PKHD1L1: variants seen among roughly 807,000 people sequenced by gnomAD.
PKHD1L1 encodes fibrocystin-L.
In PKHD1L1, 434 loss-of-function variants were observed where a neutral mutation model predicts 462.9. The observed-to-expected ratio is 0.94, with a 90% CI of 0.87 to 1.02. PKHD1L1 has a LOEUF of 1.02. Among genes scored for constraint, PKHD1L1 ranks in the 50% least tolerant of loss-of-function variants. PKHD1L1 has a pLI of 0.00. For synonymous variants in PKHD1L1, 1,781 were observed against 1,750.0 expected, an observed-to-expected ratio of 1.02 and a Z score of -0.44; for missense variants, 5,202 against 5,096.1, an observed-to-expected ratio of 1.02 and a Z score of -0.63.
At chr8:109,444,581 G>T (rs1465898057) in intron 37 of PKHD1L1, 80 bp from the exon 38 acceptor site, 17 of 1,293,646 alleles carry the variant, frequency 1.3e-5, no homozygotes, top group South Asian at 1.6e-5. Flanking sequence ...TTTAAAATTT[G>T]TAGTTGTTGC....
At chr8:109,504,515 T>G in intron 68 of PKHD1L1, 23 bp downstream of exon 68, 1 of 1,366,384 alleles carries the variant, frequency 7.3e-7, no homozygotes, top group Non-Finnish European at 9.8e-7. Flanking sequence ...AAAATTGTGG[T>G]TTTTCTATCT....
intron 4 of PKHD1L1, among the ~76,000 whole-genome samples, chr8:109,383,173 CAATA>C (rs1812232781): frequency 1.2e-5 from 1 of 83,346 alleles, no homozygotes; most frequent in African/African-American, 5.1e-5. Context: ...ATAATATATA[CAATA>C]ATATATATAA....
chr8:109,493,591 T>C (rs1312477974), intron 62 of PKHD1L1, 70 bp from the exon 63 acceptor site: 1 of 975,552 alleles, frequency 1.0e-6, no homozygotes, highest in Non-Finnish European at 1.5e-6. Flanking sequence ...TATTGTCATA[T>C]ACTTACTCTC....
chr8:109,464,867 T>A lies in PKHD1L1; in HGVS notation c.8035T>A (p.Tyr2679Asn). 6.2e-7 allele frequency: 1 copy of A among 1,613,800 alleles called. No homozygotes were observed. Among genetic ancestry groups the A allele is most frequent in the Non-Finnish European group, 8.5e-7 (1 of 1,179,798 alleles). ...QFHNFVMVNN[Y>N]EAGIETKRIL... ...CCATAACTTTGTGATGGTGAATAAC[T>A]ATGAGGCTGGAATTGAGACTAAGAG... Residue 2679 changes from tyrosine (Y) to asparagine (N), a missense_variant, in exon 49 of 78, where the codon TAT becomes AAT. By Grantham distance (143) the Tyr-to-Asn change is moderately radical. Transcript: ENST00000378402.
rs565902354 is a variant in PKHD1L1, at chr8:109,492,329, C to T, written c.10236+335C>T. On this transcript the variant is annotated intron_variant, in intron 62 of 77. Coordinates refer to ENST00000378402, the MANE Select transcript of PKHD1L1 (RefSeq NM_177531.6). ...GGAATCTCTAAAATTATTTTCTCATCTAAAATTGTCATGATTCTACAGGCA... is the reference window on the plus strand; with the variant it reads ...GGAATCTCTAAAATTATTTTCTCATTTAAAATTGTCATGATTCTACAGGCA... Among the ~76,000 whole-genome samples the T allele has an allele frequency of 4.3e-4, 65 of 151,816 alleles. 1 individual carries two copies. The South Asian group carries it at 0.013, about 32-fold the overall frequency.
intron 54 of PKHD1L1, 142 bp from the exon 55 acceptor site, chr8:109,479,849 T>C: frequency 1.1e-6 from 1 of 937,776 alleles, no homozygotes; most frequent in Non-Finnish European, 1.5e-6. Context: ...GCAGATTTTC[T>C]GGGAGAGATA....
rs1563724837 is a variant in PKHD1L1 at position 109,384,056 on chromosome 8, T to C, written c.418-14T>C. 5 of 1,569,504 alleles carry C rather than the reference T, an allele frequency of 3.2e-6. 1 individual carries two copies. Among genetic ancestry groups the C allele is most frequent in the Non-Finnish European group, 4.4e-6 (5 of 1,140,720 alleles). On this transcript the variant is annotated splice_polypyrimidine_tract_variant and intron_variant, in intron 4 of 77. Transcript: ENST00000378402. ...CAGAGATAAGTTTTCATATTGACAT[T>C]ATTCTTTTTACAGGCAAAAAGTTTT...
At chr8:109,381,629 G>T in intron 3 of PKHD1L1, 115 bp downstream of exon 3, 1 of 800,572 alleles carries the variant, frequency 1.2e-6, no homozygotes, top group Non-Finnish European at 1.8e-6. Flanking sequence ...ATATTTTTCT[G>T]ATTATAGGTT....
Position 109,443,133 on chromosome 8 carries a change from T to A in PKHD1L1, c.4564+17T>A, listed in dbSNP as rs755335220. On this transcript the variant is annotated intron_variant, in intron 36 of 77. Coordinates refer to ENST00000378402, the MANE Select transcript of PKHD1L1 (RefSeq NM_177531.6). ...ATGCTTATGGTAAGATGGTTAAAGA[T>A]GGAAACTCTGTTACACAGGTGACCC... 11 of 1,611,080 alleles carry A rather than the reference T, an allele frequency of 6.8e-6. No homozygotes were observed. The highest frequency in any genetic ancestry group is 9.3e-6 in the Non-Finnish European group (11 of 1,177,948).
intron 3 of PKHD1L1, 127 bp downstream of exon 3, chr8:109,381,641 G>T: frequency 1.4e-6 from 1 of 714,382 alleles, no homozygotes; most frequent in Non-Finnish European, 2.1e-6. Context: ...TTATAGGTTA[G>T]TATTTTTCAT....
chr8:109,389,121 T>C lies in PKHD1L1; in HGVS notation c.666T>C (p.Ser222=), dbSNP rs754029749. ...KLDHPNGDMG[S]MVCKTTGTFI... The stretch of plus-strand genomic sequence containing the variant: ...ATCATCCAAATGGAGATATGGGTTC[T>C]ATGGTTTGTAAGACGACTGGAACTT... The change falls in exon 8 of 78, where the codon TCT becomes TCC. Residue 222 remains serine (S), a synonymous_variant. Transcript: ENST00000378402. 6.2e-7 allele frequency: 1 copy of C among 1,611,298 alleles called. No homozygotes were observed. The highest frequency in any genetic ancestry group is 1.1e-5 in the South Asian group (1 of 90,802).
At chr8:109,501,939 A>T (rs1819437557) in intron 67 of PKHD1L1, among the ~76,000 whole-genome samples, 1 of 152,076 alleles carries the variant, frequency 6.6e-6, no homozygotes, top group African/African-American at 2.4e-5. Context: ...TAAGCCACTC[A>T]TCACTACCCA....
In PKHD1L1 at chr8:109,444,994, G is replaced by T. The variant is rs781382650; in HGVS notation, c.5125G>T (p.Ala1709Ser). Residue 1709 changes from alanine to serine, a missense_variant, in exon 38 of 78, where the codon GCC becomes TCC. Ala to Ser is a moderately conservative substitution (Grantham distance 99). Around this residue, in one of 3 missense-constraint regions of PKHD1L1, gnomAD observed 4,497 missense variants for 4,336.8 expected, o/e 1.04. Coordinates refer to ENST00000378402, the MANE Select transcript of PKHD1L1 (RefSeq NM_177531.6). ...TAAAGTTCTATCAGTGAATTATACG[G>T]CCATTGAATGTGAAACATCCCCTGC... ...PCKVLSVNYTAIECETSPAAQ... is the reference protein window; with the variant it reads ...PCKVLSVNYTSIECETSPAAQ... 1 of 1,613,924 alleles carries T rather than the reference G, an allele frequency of 6.2e-7. No individual in the cohort carries two copies. Among genetic ancestry groups the T allele is most frequent in the South Asian group, 1.1e-5 (1 of 91,072 alleles).
chr8:109,513,387 T>TTA (rs930618134), intron 71 of PKHD1L1, among the ~76,000 whole-genome samples: 16 of 152,082 alleles, frequency 1.1e-4, no homozygotes, highest in South Asian at 2.1e-4. Context: ...CTGCTATTAC[T>TTA]TATATATATA....
chr8:109,384,914 A>G (rs959685826), intron 5 of PKHD1L1, among the ~76,000 whole-genome samples: 10 of 152,034 alleles, frequency 6.6e-5, no homozygotes, highest in Admixed American at 2.6e-4. Context: ...TTAAGTTACA[A>G]GGATTCTTTA....
intron 28 of PKHD1L1, among the ~76,000 whole-genome samples, chr8:109,434,039 A>G (rs888003709): frequency 6.6e-6 from 1 of 152,002 alleles, no homozygotes; most frequent in Non-Finnish European, 1.5e-5. Context: ...AGATGTTCTC[A>G]CTCATAAGTG....
At chr8:109,373,419 C>T (rs577442271) in intron 2 of PKHD1L1, among the ~76,000 whole-genome samples, 2 of 152,166 alleles carry the variant, frequency 1.3e-5, no homozygotes, top group Admixed American at 6.5e-5. Context: ...GTCCTGCTAG[C>T]GGTCTATCAA....
Position 109,495,090 on chromosome 8 carries a change from A to C in PKHD1L1, c.10327+1339A>C, listed in dbSNP as rs555851862. Among the ~76,000 whole-genome samples, 44 of 152,064 alleles carry C rather than the reference A, an allele frequency of 2.9e-4. No homozygotes were observed. The South Asian group carries it at 9.1e-3, about 32-fold the overall frequency. ...ATTTATTTTTAAGATTCTTTGAATC[A>C]GCATTTTTTTTCTGTCAATTCAAAC... On this transcript the variant is annotated intron_variant, in intron 63 of 77. Transcript: ENST00000378402.
At chr8:109,373,889 C>A (rs1004173175) in intron 2 of PKHD1L1, among the ~76,000 whole-genome samples, 1 of 152,084 alleles carries the variant, frequency 6.6e-6, no homozygotes, top group Non-Finnish European at 1.5e-5. Flanking sequence ...AATTTCTATT[C>A]TTTTACATTT....
Sources: gnomAD v4.1 joint callset for allele counts (sites outside exome capture counted in the v4.1 genomes callset) on GRCh38, gnomAD v4.1.1 for gene constraint, gnomAD v4.1.1 regional missense constraint, MANE v1.5 for transcripts, NCBI Gene and HGNC (gene_info 2026-07-23, HGNC 2026-07-21) for gene names.